PTPRR: variants seen among roughly 807,000 people sequenced by gnomAD.
PTPRR encodes receptor-type tyrosine-protein phosphatase R.
A neutral mutation model predicts 77.2 loss-of-function variants in PTPRR; 38 were observed. The observed-to-expected ratio is 0.49, with a 90% CI of 0.38 to 0.65. The LOEUF (loss-of-function observed/expected upper bound fraction) is 0.65. Ranked by LOEUF, PTPRR falls within the 30% of genes least tolerant of loss-of-function variation. The pLI, the probability that PTPRR is intolerant of heterozygous loss-of-function variation, is 0.00. For missense variants in PTPRR, 744 were observed against 799.2 expected, an observed-to-expected ratio of 0.93 and a Z score of 0.83; for synonymous variants, 299 against 283.1, an observed-to-expected ratio of 1.06 and a Z score of -0.57.
chr12:70,703,092 C>T (rs1173517746), intron 6 of PTPRR, among the ~76,000 whole-genome samples: 2 of 151,440 alleles, frequency 1.3e-5, no homozygotes, highest in African/African-American at 4.9e-5. Context: ...GAGTCTTCCA[C>T]AATAATTATG....
intron 4 of PTPRR, among the ~76,000 whole-genome samples, chr12:70,758,745 T>G (rs1375886234): frequency 6.6e-6 from 1 of 152,144 alleles, no homozygotes; most frequent in Non-Finnish European, 1.5e-5. Flanking sequence ...GGGTCTCTTC[T>G]CCAAGGCACC....
chr12:70,808,654 A>G (rs1210336870), intron 2 of PTPRR, among the ~76,000 whole-genome samples: 1 of 152,178 alleles, frequency 6.6e-6, no homozygotes, highest in Non-Finnish European at 1.5e-5. Flanking sequence ...AAAGCAATAA[A>G]GGTCCTCTAT....
At chr12:70,705,827 G>A (rs1888600016) in intron 6 of PTPRR, among the ~76,000 whole-genome samples, 1 of 151,818 alleles carries the variant, frequency 6.6e-6, no homozygotes, top group Non-Finnish European at 1.5e-5. Context: ...CTTTAATGTT[G>A]ATGTTGTCTT....
intron 1 of PTPRR, among the ~76,000 whole-genome samples, chr12:70,895,988 G>GC (rs1429251984): frequency 2.0e-5 from 3 of 151,504 alleles, no homozygotes; most frequent in Non-Finnish European, 4.4e-5. Context: ...GTGTAGAAGC[G>GC]CAAGAAACTC....
At chr12:70,672,500 A>G (rs1202756727) in intron 10 of PTPRR, 3 of 1,200,246 alleles carry the variant, frequency 2.5e-6, no homozygotes, top group Non-Finnish European at 3.7e-6. Flanking sequence ...AGTGCTCATG[A>G]CTGGCAAATG....
intron 13 of PTPRR, among the ~76,000 whole-genome samples, chr12:70,639,910 C>T (rs1334491087): frequency 6.6e-6 from 1 of 152,144 alleles, no homozygotes; most frequent in Non-Finnish European, 1.5e-5. Flanking sequence ...ATATGTTGTA[C>T]AGAAGCAACC....
chr12:70,837,032 A>AT (rs1226783991), intron 2 of PTPRR, among the ~76,000 whole-genome samples: 4 of 152,262 alleles, frequency 2.6e-5, no homozygotes, highest in African/African-American at 9.6e-5. Context: ...ATATAAATGT[A>AT]TAAAGCATAA....
At chr12:70,658,332 T>C (rs1886658358) in intron 12 of PTPRR, among the ~76,000 whole-genome samples, 1 of 152,214 alleles carries the variant, frequency 6.6e-6, no homozygotes, top group Non-Finnish European at 1.5e-5. Flanking sequence ...TGGAAATAAT[T>C]GCTCCCCTCT....
chr12:70,909,368 C>T (rs1893668336), intron 1 of PTPRR, among the ~76,000 whole-genome samples: 1 of 152,170 alleles, frequency 6.6e-6, no homozygotes, highest in African/African-American at 2.4e-5. Flanking sequence ...GCAAATTGTG[C>T]ACAGGCATGA....
chr12:70,864,675 C>T (rs1389945363), intron 2 of PTPRR, among the ~76,000 whole-genome samples: 1 of 152,140 alleles, frequency 6.6e-6, no homozygotes, highest in Non-Finnish European at 1.5e-5. Context: ...CCACCAAAAT[C>T]TCATCTTGAA....
intron 2 of PTPRR, among the ~76,000 whole-genome samples, chr12:70,773,460 A>C (rs1891023968): frequency 6.6e-6 from 1 of 152,188 alleles, no homozygotes; most frequent in South Asian, 2.1e-4. Context: ...ACAAGTAGGA[A>C]GTTCAACTGG....
intron 13 of PTPRR, among the ~76,000 whole-genome samples, chr12:70,651,121 C>T (rs116991018): frequency 4.2e-4 from 64 of 152,328 alleles, no homozygotes; most frequent in Non-Finnish European, 8.5e-4. Context: ...CCAAGACAAG[C>T]CATGAGCTTA....
At chr12:70,819,071 G>A (rs762386910) in intron 2 of PTPRR, among the ~76,000 whole-genome samples, 4 of 151,948 alleles carry the variant, frequency 2.6e-5, no homozygotes, top group Admixed American at 6.6e-5. Context: ...CTGTAATCCC[G>A]GCATTTTGGG....
intron 3 of PTPRR, among the ~76,000 whole-genome samples, chr12:70,762,447 G>A (rs752471035): frequency 2.0e-5 from 3 of 152,126 alleles, no homozygotes; most frequent in Non-Finnish European, 2.9e-5. Context: ...TTCTTTTAAT[G>A]TGCTTTATCA....
At chr12:70,811,009 T>C (rs1891798683) in intron 2 of PTPRR, among the ~76,000 whole-genome samples, 1 of 152,178 alleles carries the variant, frequency 6.6e-6, no homozygotes, top group East Asian at 1.9e-4. Context: ...AAAAAGTCAG[T>C]GTGCCCTTAG....
chr12:70,794,764 A>T (rs145465915), intron 2 of PTPRR, among the ~76,000 whole-genome samples: 1 of 152,326 alleles, frequency 6.6e-6, no homozygotes, highest in Non-Finnish European at 1.5e-5. Flanking sequence ...GATATCAATG[A>T]CATCAGGATC....
chr12:70,806,393 A>G (rs1485191271), intron 2 of PTPRR, among the ~76,000 whole-genome samples: 1 of 152,194 alleles, frequency 6.6e-6, no homozygotes, highest in African/African-American at 2.4e-5. Context: ...AGATATTGGC[A>G]TATATACAAG....
At position 70,815,133 on chromosome 12, in the gene PTPRR, C is replaced by CAAAA. The variant is rs368833751; in HGVS notation, c.358-50359_358-50356dup. Among the ~76,000 whole-genome samples, 80 of 139,104 alleles carry CAAAA rather than the reference C, an allele frequency of 5.8e-4. 2 individuals are homozygous for CAAAA. Among genetic ancestry groups the CAAAA allele is most frequent in the East Asian group, 8.3e-4 (4 of 4,840 alleles). The allele number at this position is 139,104 out of a possible 152,430, so 91.3% of individuals were successfully genotyped here. A position where few individuals can be genotyped will look rare whatever the true frequency, so the allele number is the denominator to read the frequency against. On this transcript the variant is annotated intron_variant, in intron 2 of 13. Coordinates refer to ENST00000283228, the MANE Select transcript of PTPRR (RefSeq NM_002849.4). Reference sequence around the variant, plus strand: ...AACATTCTAAGGAGAGATAAGATATCAAAAAAAAAAAAAAACCCACGTGTC... The same window carrying CAAAA: ...AACATTCTAAGGAGAGATAAGATATCAAAAAAAAAAAAAAAAAAACCCACGTGTC...
intron 2 of PTPRR, among the ~76,000 whole-genome samples, chr12:70,807,284 A>G (rs1217280025): frequency 2.0e-5 from 3 of 152,228 alleles, no homozygotes; most frequent in Admixed American, 6.5e-5. Flanking sequence ...GTGAGAAGTT[A>G]AAATTATTTA....
Sources: gnomAD v4.1 joint callset for allele counts (sites outside exome capture counted in the v4.1 genomes callset) on GRCh38, gnomAD v4.1.1 for gene constraint, MANE v1.5 for transcripts, NCBI Gene and HGNC (gene_info 2026-07-23, HGNC 2026-07-21) for gene names.